Variants in KDM4C observed in about 807,000 individuals in gnomAD.
The protein encoded by KDM4C is lysine-specific demethylase 4C.
A neutral mutation model predicts 129.3 loss-of-function variants in KDM4C; 81 were observed. The observed-to-expected ratio is 0.63, with a 90% CI of 0.52 to 0.75. The LOEUF (loss-of-function observed/expected upper bound fraction) is 0.75. Ranked by LOEUF, KDM4C falls within the 30% of genes least tolerant of loss-of-function variation. The pLI is 0.00. For synonymous variants in KDM4C, 573 were observed against 456.1 expected (o/e 1.26, Z -3.26); for missense variants, 1,457 against 1,304.0 (o/e 1.12, Z -1.81).
At chr9:6,892,318 C>A (rs566497863) in intron 7 of KDM4C, among the ~76,000 whole-genome samples, 1 of 151,928 alleles carries the variant, frequency 6.6e-6, no homozygotes, top group Non-Finnish European at 1.5e-5. Context: ...CGGATAGATA[C>A]TTTTTTAAAA....
chr9:6,788,014 TC>T (rs1260265091), intron 1 of KDM4C, among the ~76,000 whole-genome samples: 8 of 152,234 alleles, frequency 5.3e-5, no homozygotes, highest in African/African-American at 9.6e-5. Flanking sequence ...TCTTTGCTGT[TC>T]CTTGAAGAGT....
At chr9:7,109,963 C>T (rs1838135336) in intron 18 of KDM4C, among the ~76,000 whole-genome samples, 1 of 152,098 alleles carries the variant, frequency 6.6e-6, no homozygotes, top group Non-Finnish European at 1.5e-5. Context: ...ACTCAGCACT[C>T]ATTCTCTCTC....
chr9:7,148,079 G>C (rs1289233927), intron 19 of KDM4C, among the ~76,000 whole-genome samples: 2 of 152,186 alleles, frequency 1.3e-5, no homozygotes, highest in Non-Finnish European at 2.9e-5. Context: ...TGGTGGGGTG[G>C]GCAGCTCCAG....
Position 6,758,737 on chromosome 9 carries a change from C to T in KDM4C, c.-18+534C>T, listed in dbSNP as rs1407013833. Among the ~76,000 whole-genome samples the T allele has an allele frequency of 1.3e-5, 2 of 152,258 alleles. No individual in the cohort carries two copies. Among genetic ancestry groups the T allele is most frequent in the Middle Eastern group, 3.2e-3 (1 of 316 alleles). The stretch of plus-strand genomic sequence containing the variant: ...GGCTGTCCTTTTGGTGTTTCTTTCC[C>T]CCGGCATGGGGCCATTTCTTCCTGC... On this transcript the variant is annotated intron_variant, in intron 1 of 21. Coordinates refer to ENST00000381309, the MANE Select transcript of KDM4C (RefSeq NM_015061.6). The surrounding 1 kb of genome is among the most constrained non-coding windows in gnomAD (Gnocchi z 4.6).
At chr9:6,897,522 T>C (rs374612071) in intron 8 of KDM4C, among the ~76,000 whole-genome samples, 10 of 152,128 alleles carry the variant, frequency 6.6e-5, no homozygotes, top group African/African-American at 2.4e-4. Context: ...TGTGTAATTT[T>C]CCCCCATTTC....
chr9:6,893,307 G>A, intron 8 of KDM4C, 75 bp downstream of exon 8: 7 of 1,214,218 alleles, frequency 5.8e-6, no homozygotes, highest in Non-Finnish European at 6.8e-6. Flanking sequence ...CTACGATCCT[G>A]TGCAGCATTT....
intron 3 of KDM4C, among the ~76,000 whole-genome samples, chr9:6,809,468 T>G (rs917975579): frequency 3.9e-5 from 6 of 152,310 alleles, no homozygotes; most frequent in South Asian, 4.1e-4. Context: ...TAACTCTGCT[T>G]GGCTCCTTTG....
At chr9:6,934,712 T>G (rs1824432417) in intron 8 of KDM4C, among the ~76,000 whole-genome samples, 1 of 151,822 alleles carries the variant, frequency 6.6e-6, no homozygotes, top group African/African-American at 2.4e-5. Context: ...TCCGCCCACC[T>G]CGGCCTCCCA....
At chr9:6,818,969 C>A (rs1367132302) in intron 4 of KDM4C, 2 of 152,094 alleles carry the variant, frequency 1.3e-5, no homozygotes, top group African/African-American at 4.8e-5. Flanking sequence ...GCGTTGTAAC[C>A]TGGCAAATGT....
chr9:6,907,530 C>G (rs1311254292), intron 8 of KDM4C, among the ~76,000 whole-genome samples: 3 of 152,236 alleles, frequency 2.0e-5, no homozygotes, highest in Non-Finnish European at 2.9e-5. Context: ...AAATTTGTTT[C>G]CTCCAGAATA....
intron 8 of KDM4C, among the ~76,000 whole-genome samples, chr9:6,958,892 C>T (rs1829564087): frequency 6.6e-6 from 1 of 152,100 alleles, no homozygotes; most frequent in Non-Finnish European, 1.5e-5. Flanking sequence ...AAGCGATCCA[C>T]CTGCCTTGGC....
intron 5 of KDM4C, among the ~76,000 whole-genome samples, chr9:6,860,842 G>C (rs1840798199): frequency 6.6e-6 from 1 of 152,044 alleles, no homozygotes; most frequent in Non-Finnish European, 1.5e-5. Flanking sequence ...ATACTTTTTT[G>C]AGATTGTCTG....
intron 8 of KDM4C, among the ~76,000 whole-genome samples, chr9:6,963,311 T>A (rs1374398976): frequency 6.6e-6 from 1 of 152,230 alleles, no homozygotes; most frequent in Non-Finnish European, 1.5e-5. Flanking sequence ...ACACATTTTT[T>A]ATTCAGTTAT....
intron 19 of KDM4C, among the ~76,000 whole-genome samples, chr9:7,142,516 G>A (rs1332068610): frequency 6.6e-6 from 1 of 152,130 alleles, no homozygotes; most frequent in Non-Finnish European, 1.5e-5. Context: ...CCTGAGAAGA[G>A]CTGTCATTTT....
intron 5 of KDM4C, among the ~76,000 whole-genome samples, chr9:6,863,655 G>T (rs141935782): frequency 6.6e-6 from 1 of 151,966 alleles, no homozygotes; most frequent in Admixed American, 6.6e-5. Flanking sequence ...AATTAGCCAG[G>T]CGTGGTGGCG....
At chr9:6,796,249 A>G (rs946797601) in intron 2 of KDM4C, among the ~76,000 whole-genome samples, 3 of 152,170 alleles carry the variant, frequency 2.0e-5, no homozygotes, top group African/African-American at 7.2e-5. Context: ...GTTCGAGACC[A>G]GCCTGGCCAA....
chr9:7,066,113 C>T (rs1832391468), intron 17 of KDM4C, among the ~76,000 whole-genome samples: 1 of 152,058 alleles, frequency 6.6e-6, no homozygotes, highest in Non-Finnish European at 1.5e-5. Flanking sequence ...AGCTTGTCAT[C>T]ATTTTAATGG....
At chr9:6,942,095 CTTTCATCTTTG>C (rs1282802515) in intron 8 of KDM4C, among the ~76,000 whole-genome samples, 7 of 152,112 alleles carry the variant, frequency 4.6e-5, no homozygotes, top group African/African-American at 1.4e-4. Flanking sequence ...AGAGCGTATA[CTTTCATCTTTG>C]TTATAATGGG....
rs1196203775 is a variant in KDM4C, at chr9:7,086,975, T to C, written c.2425-16710T>C. Reference sequence around the variant, plus strand: ...CTGAGCTCACCGTTGTACTCTGCCCTGTGGTTGAAGACCTCTGGCATGCCA... The same window carrying C: ...CTGAGCTCACCGTTGTACTCTGCCCCGTGGTTGAAGACCTCTGGCATGCCA... On this transcript the variant is annotated intron_variant, in intron 17 of 21. Coordinates refer to ENST00000381309, the MANE Select transcript of KDM4C (RefSeq NM_015061.6). Among the ~76,000 whole-genome samples, 7 of 152,188 alleles carry C rather than the reference T, an allele frequency of 4.6e-5. No individual in the cohort carries two copies. In the East Asian group the frequency reaches 1.3e-3, roughly 29 times the overall value.
Sources: allele counts gnomAD v4.1 joint callset (sites outside exome capture counted in the v4.1 genomes callset), GRCh38; gene constraint gnomAD v4.1.1; non-coding constraint Gnocchi (gnomAD v3.1); transcripts MANE v1.5; gene names NCBI Gene and HGNC (gene_info 2026-07-23, HGNC 2026-07-21).